MYCT1: variants seen among roughly 807,000 people sequenced by gnomAD.
MYCT1 encodes the protein MYC target 1.
Under a neutral mutation model 15.0 loss-of-function variants are expected in MYCT1, and 12 were observed. The observed-to-expected ratio is 0.80, with a 90% CI of 0.51 to 1.29. The LOEUF (loss-of-function observed/expected upper bound fraction) is 1.29. Ranked by LOEUF, MYCT1 falls within the 50% of genes most tolerant of loss-of-function variation. The pLI is 0.00. For missense variants in MYCT1, 287 were observed against 279.1 expected, an observed-to-expected ratio of 1.03 and a Z score of -0.20; for synonymous variants, 104 against 102.7, an observed-to-expected ratio of 1.01 and a Z score of -0.07.
At chr6:152,732,457 C>T in the MYCT1 span, among the ~76,000 whole-genome samples, 1 of 151,744 alleles carries the variant, frequency 6.6e-6, no homozygotes, top group Non-Finnish European at 1.5e-5. Flanking sequence ...AGAAAAGTCT[C>T]TGATTCAAAA....
chr6:152,705,271 A>C (rs2099722062), intron 1 of MYCT1, among the ~76,000 whole-genome samples: 1 of 152,180 alleles, frequency 6.6e-6, no homozygotes, highest in Admixed American at 6.5e-5. Context: ...AAATCATCTA[A>C]CACCAAGCCT....
At chr6:152,707,201 C>T (rs1013971517) in intron 1 of MYCT1, among the ~76,000 whole-genome samples, 1 of 152,052 alleles carries the variant, frequency 6.6e-6, no homozygotes, top group African/African-American at 2.4e-5. Context: ...GGCATTTTGG[C>T]ATGTGTGAGA....
chr6:152,702,435 C>G (rs1421986195), intron 1 of MYCT1, among the ~76,000 whole-genome samples: 1 of 152,160 alleles, frequency 6.6e-6, no homozygotes, highest in Non-Finnish European at 1.5e-5. Flanking sequence ...GAAGTATTGA[C>G]TTTTCCTTTT....
At chr6:152,735,657 C>G in the MYCT1 span, among the ~76,000 whole-genome samples, 1 of 152,082 alleles carries the variant, frequency 6.6e-6, no homozygotes, top group Non-Finnish European at 1.5e-5. Flanking sequence ...ACCAATGGAT[C>G]ACAGAAATTG....
chr6:152,706,805 A>G (rs1459709342), intron 1 of MYCT1, among the ~76,000 whole-genome samples: 1 of 151,954 alleles, frequency 6.6e-6, no homozygotes, highest in Admixed American at 6.6e-5. Flanking sequence ...TCATAAGTCT[A>G]AGAGCATCTG....
chr6:152,727,929 G>C (rs546952094), downstream of MYCT1, among the ~76,000 whole-genome samples: 1 of 151,964 alleles, frequency 6.6e-6, no homozygotes, highest in Non-Finnish European at 1.5e-5. Flanking sequence ...TTTGGTAGAC[G>C]GAGACGGGCA....
At chr6:152,719,678 A>G (rs548503103) in intron 1 of MYCT1, among the ~76,000 whole-genome samples, 4 of 152,340 alleles carry the variant, frequency 2.6e-5, no homozygotes, top group Non-Finnish European at 4.4e-5. Flanking sequence ...GTGACAATAT[A>G]TGGTGGAAGG....
chr6:152,736,455 A>AG, the MYCT1 span, among the ~76,000 whole-genome samples: 4 of 152,142 alleles, frequency 2.6e-5, no homozygotes, highest in African/African-American at 9.6e-5. Flanking sequence ...TGGTCCTGTG[A>AG]GGGGACTATT....
chr6:152,734,557 A>C, the MYCT1 span, among the ~76,000 whole-genome samples: 1 of 152,020 alleles, frequency 6.6e-6, no homozygotes, highest in African/African-American at 2.4e-5. Flanking sequence ...GCAGTGACTC[A>C]TTTGTCCTTT....
chr6:152,726,729 T>C (rs924893308), downstream of MYCT1, among the ~76,000 whole-genome samples: 3 of 152,110 alleles, frequency 2.0e-5, no homozygotes, highest in Admixed American at 6.5e-5. Context: ...CCAGGACTTT[T>C]ATCTATGCGG....
At chr6:152,699,565 T>TA (rs1284313155) in intron 1 of MYCT1, among the ~76,000 whole-genome samples, 3 of 152,170 alleles carry the variant, frequency 2.0e-5, no homozygotes, top group African/African-American at 7.2e-5. Context: ...TGTCCTCACT[T>TA]ATAGAGAAAA....
intron 1 of MYCT1, among the ~76,000 whole-genome samples, chr6:152,706,768 C>T (rs2244217): frequency 0.7 from 105,558 of 151,820 alleles, 37,608 homozygotes; most frequent in East Asian, 0.98. Flanking sequence ...TTTCAATGTA[C>T]GATGGATTTA....
intron 1 of MYCT1, among the ~76,000 whole-genome samples, chr6:152,715,306 T>C (rs2099723446): frequency 6.6e-6 from 1 of 152,208 alleles, no homozygotes; most frequent in Admixed American, 6.6e-5. Context: ...GCTACCTTGA[T>C]ACTTTTGAAT....
At chr6:152,745,834 T>C in the MYCT1 span, among the ~76,000 whole-genome samples, 1 of 152,212 alleles carries the variant, frequency 6.6e-6, no homozygotes, top group African/African-American at 2.4e-5. Context: ...CTAAGCAGGG[T>C]GTGCAACTAT....
intron 1 of MYCT1, among the ~76,000 whole-genome samples, chr6:152,700,881 C>T (rs1320981593): frequency 2.0e-5 from 3 of 152,260 alleles, no homozygotes; most frequent in African/African-American, 7.2e-5. Flanking sequence ...CAGGAGTTTG[C>T]ATTTATTCAC....
chr6:152,734,418 C>A, the MYCT1 span, among the ~76,000 whole-genome samples: 10 of 152,140 alleles, frequency 6.6e-5, no homozygotes, highest in Non-Finnish European at 1.5e-4. Flanking sequence ...GTGTTAAACA[C>A]CAAAGGCAAC....
At chr6:152,703,929 AT>A (rs2099721755) in intron 1 of MYCT1, among the ~76,000 whole-genome samples, 1 of 148,960 alleles carries the variant, frequency 6.7e-6, no homozygotes, top group Non-Finnish European at 1.5e-5. Context: ...TCTTGAAAAT[AT>A]TTTCCCTGTT....
chr6:152,724,217 C>A lies in MYCT1; in HGVS notation c.*1964C>A, dbSNP rs2099725207. 1 of 148,252 alleles carries A rather than the reference C, an allele frequency of 6.7e-6. No homozygotes were observed. 9.2% of individuals were successfully genotyped at this position (148,252 alleles called of 1,614,324 possible). A position where few individuals can be genotyped will look rare whatever the true frequency, so the allele number is the denominator to read the frequency against. ...AAGTAAGGTTTCAAGGGAATATTAACTTGGTATCAGGGCTACTTTTTTTTT... is the reference window on the plus strand; with the variant it reads ...AAGTAAGGTTTCAAGGGAATATTAAATTGGTATCAGGGCTACTTTTTTTTT... On this transcript the variant is annotated 3_prime_UTR_variant, in exon 2 of 2. Coordinates refer to ENST00000367245, the MANE Select transcript of MYCT1 (RefSeq NM_025107.3).
intron 1 of MYCT1, among the ~76,000 whole-genome samples, chr6:152,699,194 T>A (rs1207255496): frequency 6.6e-6 from 1 of 152,138 alleles, no homozygotes; most frequent in African/African-American, 2.4e-5. Context: ...ATGTCTACCA[T>A]CACAGAAATT....
Sources: allele counts gnomAD v4.1 joint callset (sites outside exome capture counted in the v4.1 genomes callset), GRCh38; gene constraint gnomAD v4.1.1; transcripts MANE v1.5; gene names NCBI Gene and HGNC (gene_info 2026-07-23, HGNC 2026-07-21).